SUSD1: variants seen among roughly 807,000 people sequenced by gnomAD.
SUSD1 encodes sushi domain containing 1.
Under a neutral mutation model 86.9 loss-of-function variants are expected in SUSD1, and 65 were observed. That is an observed-to-expected ratio of 0.75 (90% CI 0.61 to 0.92). SUSD1 has a LOEUF of 0.92. Among genes scored for constraint, SUSD1 ranks in the 40% least tolerant of loss-of-function variants. SUSD1 has a pLI of 0.00. For missense variants in SUSD1, 850 were observed against 929.7 expected, an observed-to-expected ratio of 0.91 and a Z score of 1.11; for synonymous variants, 346 against 350.0, an observed-to-expected ratio of 0.99 and a Z score of 0.13.
intron 11 of SUSD1, 63 bp from the exon 12 acceptor site, chr9:112,078,787 C>CCT: frequency 1.5e-6 from 2 of 1,360,532 alleles, no homozygotes. Context: ...TGCCTTGAAA[C>CCT]CTCCCCTTTT....
At chr9:112,107,750 CT>C (rs1589665862) in intron 8 of SUSD1, among the ~76,000 whole-genome samples, 1 of 152,084 alleles carries the variant, frequency 6.6e-6, no homozygotes, top group African/African-American at 2.4e-5. Flanking sequence ...CCATTTGTTA[CT>C]AGCGAAAGAA....
At chr9:112,150,895 G>A (rs1249167961) in intron 2 of SUSD1, among the ~76,000 whole-genome samples, 1 of 152,214 alleles carries the variant, frequency 6.6e-6, no homozygotes, top group Non-Finnish European at 1.5e-5. Flanking sequence ...CAGTGAGTGA[G>A]TGAATAGGAA....
chr9:112,133,484 T>C (rs1297682319), intron 5 of SUSD1, among the ~76,000 whole-genome samples: 1 of 152,142 alleles, frequency 6.6e-6, no homozygotes, highest in African/African-American at 2.4e-5. Flanking sequence ...TCCCTATACA[T>C]AAATGGTGCT....
Position 112,067,018 on chromosome 9 carries a change from A to ATGCAAGCAATGCATAGGTG in SUSD1, c.1754-3986_1754-3985insCACCTATGCATTGCTTGCA, listed in dbSNP as rs1366586452. Among the ~76,000 whole-genome samples the ATGCAAGCAATGCATAGGTG allele has an allele frequency of 3.3e-5, 5 of 152,178 alleles. No individual in the cohort carries two copies. The South Asian group carries it at 8.3e-4, about 25-fold the overall frequency. On this transcript the variant is annotated intron_variant, in intron 12 of 16. Coordinates refer to ENST00000374270, the MANE Select transcript of SUSD1 (RefSeq NM_022486.5). ...AGCCTCCCGAGTAGCTGGGACTACA[A>ATGCAAGCAATGCATAGGTG]GGCATACACCACCATGCACAGCTAA...
intron 12 of SUSD1, among the ~76,000 whole-genome samples, chr9:112,067,028 C>A (rs1022589649): frequency 2.6e-5 from 4 of 152,130 alleles, no homozygotes; most frequent in Non-Finnish European, 5.9e-5. Context: ...AGGCATACAC[C>A]ACCATGCACA....
At chr9:112,127,805 ATTG>A (rs1831843567) in intron 5 of SUSD1, among the ~76,000 whole-genome samples, 1 of 152,164 alleles carries the variant, frequency 6.6e-6, no homozygotes, top group Admixed American at 6.6e-5. Flanking sequence ...GAAAACTTCC[ATTG>A]TTGTTGTCGC....
intron 14 of SUSD1, among the ~76,000 whole-genome samples, chr9:112,056,695 A>G (rs1213194534): frequency 6.6e-6 from 1 of 150,566 alleles, no homozygotes; most frequent in Non-Finnish European, 1.5e-5. Flanking sequence ...AAAGTTTCCT[A>G]TGAACCAGAA....
At chr9:112,140,068 A>T (rs1832490173) in intron 5 of SUSD1, among the ~76,000 whole-genome samples, 2 of 135,020 alleles carry the variant, frequency 1.5e-5, no homozygotes, top group South Asian at 4.2e-4. Context: ...TCTATAAAAA[A>T]TACAAAAATT....
rs183815040 is a variant in SUSD1 at position 112,162,071 on chromosome 9, A to T, written c.104-4458T>A. Among the ~76,000 whole-genome samples, 5 of 152,348 alleles carry T rather than the reference A, an allele frequency of 3.3e-5. No individual in the cohort carries two copies. In the East Asian group the frequency reaches 9.6e-4, roughly 29 times the overall value. ...CTTTAAAAATCAACTTTATTGAGAT[A>T]TAATATGCACACAATAAAACACCCC... On this transcript the variant is annotated intron_variant, in intron 1 of 16. Transcript: ENST00000374270.
At chr9:112,111,597 C>A (rs1347461569) in intron 8 of SUSD1, 57 bp downstream of exon 8, 4 of 1,571,006 alleles carry the variant, frequency 2.5e-6, no homozygotes, top group Non-Finnish European at 3.5e-6. Context: ...CAGCATACTT[C>A]CCCACATTCT....
chr9:112,117,529 C>T (rs1245989311), intron 6 of SUSD1, among the ~76,000 whole-genome samples: 1 of 151,990 alleles, frequency 6.6e-6, no homozygotes, highest in South Asian at 2.1e-4. Flanking sequence ...TGTGTGTGTA[C>T]ACACAGGTAC....
At chr9:112,083,476 C>T (rs1444647904) in intron 10 of SUSD1, among the ~76,000 whole-genome samples, 1 of 152,310 alleles carries the variant, frequency 6.6e-6, no homozygotes, top group South Asian at 2.1e-4. Flanking sequence ...GATCCGCCCA[C>T]CTTGGCCTCC....
chr9:112,143,418 C>A, intron 4 of SUSD1, 53 bp downstream of exon 4: 1 of 1,590,948 alleles, frequency 6.3e-7, no homozygotes, highest in South Asian at 1.1e-5. Context: ...AGAAGAAAGT[C>A]ACCATCAACA....
intron 4 of SUSD1, 195 bp from the exon 5 acceptor site, chr9:112,142,694 G>A: frequency 5.5e-6 from 3 of 548,602 alleles, no homozygotes; most frequent in African/African-American, 3.9e-5. Context: ...GCCTTCCATA[G>A]GTAAAGCATC....
chr9:112,047,338 C>T (rs1417969611), intron 15 of SUSD1, among the ~76,000 whole-genome samples: 1 of 152,134 alleles, frequency 6.6e-6, no homozygotes. Context: ...CAGGCCCCTC[C>T]TTCAATACAT....
chr9:112,163,870 G>A (rs752683320), intron 1 of SUSD1, among the ~76,000 whole-genome samples: 1 of 151,870 alleles, frequency 6.6e-6, no homozygotes, highest in Non-Finnish European at 1.5e-5. Context: ...GCATGGTGGT[G>A]GACACCTGTA....
intron 12 of SUSD1, among the ~76,000 whole-genome samples, chr9:112,071,412 A>G (rs1829264135): frequency 6.6e-6 from 1 of 152,100 alleles, no homozygotes; most frequent in African/African-American, 2.4e-5. Context: ...GTAAGCTATG[A>G]TTGTGCCACA....
chr9:112,167,897 T>TCA lies in SUSD1; in HGVS notation c.103+7235_103+7236insTG, dbSNP rs570670646. Among the ~76,000 whole-genome samples the TCA allele has an allele frequency of 9.9e-5, 15 of 152,268 alleles. 1 individual carries two copies. The East Asian group carries it at 2.9e-3, about 29-fold the overall frequency. ...ATGGCAGAAGGCAAAAGGCATGTGT[T>TCA]ACACAGCAGCAGCAACAGAGAATGA... On this transcript the variant is annotated intron_variant, in intron 1 of 16. Coordinates refer to ENST00000374270, the MANE Select transcript of SUSD1 (RefSeq NM_022486.5).
intron 6 of SUSD1, among the ~76,000 whole-genome samples, chr9:112,123,612 C>T (rs570358446): frequency 6.6e-5 from 10 of 152,162 alleles, no homozygotes; most frequent in Admixed American, 2.6e-4. Context: ...CCAGCCTGGG[C>T]AACATGGTGA....
Sources: gnomAD v4.1 joint callset for allele counts (sites outside exome capture counted in the v4.1 genomes callset) on GRCh38, gnomAD v4.1.1 for gene constraint, MANE v1.5 for transcripts, NCBI Gene and HGNC (gene_info 2026-07-23, HGNC 2026-07-21) for gene names.